The following CRABP1 variants were observed in gnomAD, a reference collection of about 807,000 sequenced individuals.
CRABP1 encodes the protein cellular retinoic acid binding protein 1, also known as cellular retinoic acid-binding protein 1.
Under a neutral mutation model 16.4 loss-of-function variants are expected in CRABP1, and 9 were observed. The ratio of observed to expected loss-of-function variants is 0.55; its 90% CI spans 0.33 to 0.96. The LOEUF is 0.96. Among genes scored for constraint, CRABP1 ranks in the 40% least tolerant of loss-of-function variants. The pLI, the probability that CRABP1 is intolerant of heterozygous loss-of-function variation, is 0.03. For missense variants in CRABP1, 157 were observed against 186.0 expected, an observed-to-expected ratio of 0.84 and a Z score of 0.91; for synonymous variants, 72 against 70.4, an observed-to-expected ratio of 1.02 and a Z score of -0.11.
intron 3 of CRABP1, 80 bp downstream of exon 3, chr15:78,343,692 T>A: frequency 1.0e-6 from 1 of 995,890 alleles, no homozygotes. Flanking sequence ...TATGTCCTCC[T>A]CACTCGGCCG....
intron 3 of CRABP1, among the ~76,000 whole-genome samples, chr15:78,346,768 T>C (rs1312930464): frequency 1.3e-5 from 2 of 152,200 alleles, no homozygotes; most frequent in Non-Finnish European, 2.9e-5. Context: ...TTAGCATATG[T>C]TCTCTGAGAG....
chr15:78,340,417 GC>G lies in CRABP1; in HGVS notation c.-10del. The G allele has an allele frequency of 6.3e-7, 1 of 1,585,944 alleles. No homozygotes were observed. Among genetic ancestry groups the G allele is most frequent in the Non-Finnish European group, 8.6e-7 (1 of 1,167,976 alleles). On this transcript the variant is annotated 5_prime_UTR_variant, in exon 1 of 4. Transcript: ENST00000299529. The stretch of plus-strand genomic sequence containing the variant: ...GCCGCTGTCCGTACCTGCCGCCGCC[GC>G]CACCGCCACCATGCCCAACTTCGCC...
At position 78,341,018 on chromosome 15, in the gene CRABP1, C is replaced by A; in HGVS notation, c.71-25C>A. ...AGACTGGCGGCGAGGCCCCGTGACC[C>A]AAGCCTGTGGTGCACCCTGCGCAGG... On this transcript the variant is annotated intron_variant, in intron 1 of 3. Transcript: ENST00000299529. This position sits in a 1 kb window ranked among gnomAD's most constrained non-coding sequence, Gnocchi z 5.3. 1 of 1,591,528 alleles carries A rather than the reference C, an allele frequency of 6.3e-7. No homozygotes were observed. The highest frequency in any genetic ancestry group is 1.7e-5 in the Admixed American group (1 of 59,450).
Position 78,343,552 on chromosome 15 carries a change from T to C in CRABP1, c.303T>C (p.Leu101=). The change falls in exon 3 of 4, where the codon CTT becomes CTC. Residue 101 remains leucine, a synonymous_variant. Transcript: ENST00000299529. ...AGATCCACTGCACGCAAACTCTTCT[T>C]GAAGGGGACGGCCCCAAAACCTACT... ...ENKIHCTQTL[L]EGDGPKTYWT... The C allele has an allele frequency of 6.2e-7, 1 of 1,614,176 alleles. No homozygotes were observed. Among genetic ancestry groups the C allele is most frequent in the Non-Finnish European group, 8.5e-7 (1 of 1,180,038 alleles).
intron 3 of CRABP1, among the ~76,000 whole-genome samples, chr15:78,343,885 C>T (rs1051010528): frequency 6.6e-6 from 1 of 152,186 alleles, no homozygotes; most frequent in Non-Finnish European, 1.5e-5. Flanking sequence ...ATCCCAGTGG[C>T]GGTGACATGC....
rs146054360 is a variant in CRABP1 at position 78,343,547 on chromosome 15, C to T, written c.298C>T (p.Leu100Phe). ...GAACAAGATCCACTGCACGCAAACT[C>T]TTCTTGAAGGGGACGGCCCCAAAAC... ...NENKIHCTQT[L>F]LEGDGPKTYW... Residue 100 changes from leucine (L) to phenylalanine (F), a missense_variant, in exon 3 of 4, where the codon CTT (leucine) becomes TTT (phenylalanine). Transcript: ENST00000299529. 2.3e-4 allele frequency: 376 copies of T among 1,614,196 alleles called. 2 individuals carry two copies. The East Asian group carries it at 8.3e-3, about 35-fold the overall frequency.
Position 78,345,621 on chromosome 15 carries a change from A to G in CRABP1, c.363+2009A>G, listed in dbSNP as rs183531110. On this transcript the variant is annotated intron_variant, in intron 3 of 3. Coordinates refer to ENST00000299529, the MANE Select transcript of CRABP1 (RefSeq NM_004378.3). ...GTAGTATACGAGCAGCTGGAGTCAC[A>G]GGCCAAATTCTGCTAGATGGACCCC... 2.1e-3 allele frequency among the ~76,000 whole-genome samples: 325 copies of G among 151,914 alleles called. 1 individual carries two copies. Among genetic ancestry groups the G allele is most frequent in the African/African-American group, 7.5e-3 (310 of 41,180 alleles).
At chr15:78,344,725 A>G (rs1448353720) in intron 3 of CRABP1, among the ~76,000 whole-genome samples, 1 of 148,418 alleles carries the variant, frequency 6.7e-6, no homozygotes, top group Non-Finnish European at 1.5e-5. Flanking sequence ...CAGCCTGGGC[A>G]ACATAGTGAG....
At position 78,347,997 on chromosome 15, in the gene CRABP1, A is replaced by G. The variant is rs761879961; in HGVS notation, c.*20A>G. On this transcript the variant is annotated 3_prime_UTR_variant, in exon 4 of 4. Coordinates refer to ENST00000299529, the MANE Select transcript of CRABP1 (RefSeq NM_004378.3). ...GAGTGAAGGCAGCTGGCTTGCTCCT[A>G]CTTTCAGGAAGGGATGCAGGCTCCC... is the stretch of plus-strand genomic sequence containing the variant. The G allele has an allele frequency of 1.2e-6, 2 of 1,613,272 alleles. No homozygotes were observed. Among genetic ancestry groups the G allele is most frequent in the Non-Finnish European group, 1.7e-6 (2 of 1,179,530 alleles).
At chr15:78,340,843 G>A (rs2050228833) in intron 1 of CRABP1, 200 bp from the exon 2 acceptor site, 2 of 639,888 alleles carry the variant, frequency 3.1e-6, no homozygotes, top group Non-Finnish European at 5.3e-6. Context: ...GCTCTGCCAC[G>A]AATTCACTGT....
At chr15:78,347,052 C>G (rs1307916392) in intron 3 of CRABP1, among the ~76,000 whole-genome samples, 1 of 151,376 alleles carries the variant, frequency 6.6e-6, no homozygotes, top group Non-Finnish European at 1.5e-5. Flanking sequence ...GTGAGAGGTC[C>G]AGGAGAGCAG....
intron 3 of CRABP1, among the ~76,000 whole-genome samples, chr15:78,346,243 G>A (rs572121698): frequency 6.6e-6 from 1 of 152,124 alleles, no homozygotes; most frequent in Non-Finnish European, 1.5e-5. Flanking sequence ...GTAGACTTAC[G>A]GTGGGAAAGT....
intron 1 of CRABP1, 184 bp downstream of exon 1, chr15:78,340,682 G>A: frequency 4.3e-6 from 3 of 690,452 alleles, no homozygotes; most frequent in South Asian, 2.0e-5. Context: ...TAGAGATCCC[G>A]GAACCCACGC....
At position 78,341,519 on chromosome 15, in the gene CRABP1, T is replaced by G. The variant is rs528644925; in HGVS notation, c.249+298T>G. ...TTCCCAGCAGTGGCTTTTGCAGCGG[T>G]TTGCAGCGCCAAGCGCAGGCGGCGC... On this transcript the variant is annotated intron_variant, in intron 2 of 3. Transcript: ENST00000299529. The surrounding 1 kb of genome is among the most constrained non-coding windows in gnomAD (Gnocchi z 5.3). 45 of 392,122 alleles carry G rather than the reference T, an allele frequency of 1.1e-4. 1 individual carries two copies. Among genetic ancestry groups the G allele is most frequent in the South Asian group, 1.1e-3 (45 of 42,438 alleles). The allele number at this position is 392,122 out of a possible 1,614,324, so 24.3% of individuals were successfully genotyped here.
intron 2 of CRABP1, among the ~76,000 whole-genome samples, chr15:78,342,116 C>T (rs1010909465): frequency 6.6e-6 from 1 of 151,938 alleles, no homozygotes; most frequent in East Asian, 1.9e-4. Flanking sequence ...GAGCACCGGG[C>T]TTGGAAGGAC....
intron 3 of CRABP1, among the ~76,000 whole-genome samples, chr15:78,346,393 G>A (rs145998911): frequency 1.8e-3 from 278 of 152,322 alleles, no homozygotes; most frequent in Admixed American, 6.7e-3. Context: ...GTGGCTGGGT[G>A]CAGTGGCTCA....
intron 3 of CRABP1, among the ~76,000 whole-genome samples, chr15:78,346,508 A>G (rs1281474813): frequency 6.6e-6 from 1 of 152,132 alleles, no homozygotes; most frequent in African/African-American, 2.4e-5. Flanking sequence ...CTCTACTAAA[A>G]ATACCCAAAA....
At position 78,343,597 on chromosome 15, in the gene CRABP1, C is replaced by T. The variant is rs760021598; in HGVS notation, c.348C>T (p.Asn116=). ...CCTACTGGACCCGTGAGCTGGCCAA[C>T]GATGAACTTATCCTGGTAGGGAACC... ...PKTYWTRELA[N]DELILTFGAD... is the part of the protein sequence containing the mutation. Residue 116 remains asparagine (N), a synonymous_variant, in exon 3 of 4, where the codon AAC becomes AAT. Transcript: ENST00000299529. 22 of 1,613,914 alleles carry T rather than the reference C, an allele frequency of 1.4e-5. No individual in the cohort carries two copies. Among genetic ancestry groups the T allele is most frequent in the East Asian group, 2.2e-5 (1 of 44,892 alleles).
intron 2 of CRABP1, among the ~76,000 whole-genome samples, chr15:78,342,211 C>T (rs1271314977): frequency 2.6e-5 from 4 of 151,944 alleles, no homozygotes; most frequent in Admixed American, 2.0e-4. Context: ...ATGATCTCCA[C>T]GCTTGGAGGG....
Sources: allele counts gnomAD v4.1 joint callset (sites outside exome capture counted in the v4.1 genomes callset), GRCh38; gene constraint gnomAD v4.1.1; non-coding constraint Gnocchi (gnomAD v3.1); transcripts MANE v1.5; gene names NCBI Gene and HGNC (gene_info 2026-07-23, HGNC 2026-07-21).